DTWD2: variants seen among roughly 807,000 people sequenced by gnomAD.
DTWD2 encodes DTW motif tRNA-uridine aminocarboxypropyltransferase 2, also known as tRNA-uridine aminocarboxypropyltransferase 2.
Under a neutral mutation model 31.8 loss-of-function variants are expected in DTWD2, and 39 were observed. The ratio of observed to expected loss-of-function variants is 1.22; its 90% CI spans 0.95 to 1.60. The LOEUF is 1.60. Among genes scored for constraint, DTWD2 ranks in the 40% most tolerant of loss-of-function variants. DTWD2 has a pLI of 0.00. For synonymous variants in DTWD2, 180 were observed against 142.8 expected (o/e 1.26, Z -1.86); for missense variants, 515 against 381.5 (o/e 1.35, Z -2.92).
intron 4 of DTWD2, among the ~76,000 whole-genome samples, chr5:118,899,447 G>A (rs190301904): frequency 2.0e-5 from 3 of 152,066 alleles, no homozygotes; most frequent in Non-Finnish European, 2.9e-5. Context: ...ACAATGGTTC[G>A]GTATTCACTA....
At chr5:118,933,744 C>G (rs1276170325) in intron 3 of DTWD2, among the ~76,000 whole-genome samples, 4 of 151,970 alleles carry the variant, frequency 2.6e-5, no homozygotes, top group Non-Finnish European at 5.9e-5. Context: ...TGTCCTCTCA[C>G]CACTGCTATT....
intron 4 of DTWD2, among the ~76,000 whole-genome samples, chr5:118,906,400 G>A (rs1195604906): frequency 1.3e-5 from 2 of 152,036 alleles, no homozygotes; most frequent in East Asian, 1.9e-4. Flanking sequence ...GCATATGAAC[G>A]TTAATAACCA....
intron 4 of DTWD2, among the ~76,000 whole-genome samples, chr5:118,927,663 A>G (rs140838527): frequency 3.3e-5 from 5 of 152,268 alleles, no homozygotes; most frequent in African/African-American, 1.2e-4. Flanking sequence ...AGAGAAATAT[A>G]AAAGTTATTA....
chr5:118,850,340 GT>G (rs1751969186), intron 4 of DTWD2, among the ~76,000 whole-genome samples: 1 of 147,984 alleles, frequency 6.8e-6, no homozygotes, highest in Admixed American at 6.7e-5. Flanking sequence ...ATTGCCAGGT[GT>G]GGTGCATGCG....
intron 1 of DTWD2, among the ~76,000 whole-genome samples, chr5:118,972,467 A>C (rs978186184): frequency 4.3e-4 from 65 of 152,330 alleles, no homozygotes; most frequent in African/African-American, 1.5e-3. Context: ...TCTGAAACCA[A>C]GGCAGTAATT....
chr5:118,958,795 A>G (rs984534921), intron 1 of DTWD2, among the ~76,000 whole-genome samples: 4 of 152,230 alleles, frequency 2.6e-5, no homozygotes, highest in Non-Finnish European at 5.9e-5. Context: ...AGAATGGTTC[A>G]ATATACGCAA....
At chr5:118,928,311 T>C (rs563585540) in intron 4 of DTWD2, among the ~76,000 whole-genome samples, 1 of 152,084 alleles carries the variant, frequency 6.6e-6, no homozygotes, top group African/African-American at 2.4e-5. Context: ...AATTTGGCAG[T>C]AGGAGAGAAG....
intron 4 of DTWD2, among the ~76,000 whole-genome samples, chr5:118,859,339 T>C (rs1421498202): frequency 4.6e-5 from 7 of 152,208 alleles, no homozygotes. Flanking sequence ...CTCATAAATG[T>C]CAATGAAGAT....
chr5:118,931,390 C>A, intron 3 of DTWD2, among the ~76,000 whole-genome samples: 2 of 139,796 alleles, frequency 1.4e-5, no homozygotes, highest in African/African-American at 2.8e-5. Flanking sequence ...CAGAACGAGA[C>A]CTTGTCTTAA....
intron 1 of DTWD2, among the ~76,000 whole-genome samples, chr5:118,970,790 C>T (rs1754967429): frequency 6.6e-6 from 1 of 152,138 alleles, no homozygotes; most frequent in Admixed American, 6.6e-5. Flanking sequence ...AAAGCAAAAC[C>T]CTCAGTGGAA....
chr5:118,853,098 T>G (rs1253580122), intron 4 of DTWD2, among the ~76,000 whole-genome samples: 1 of 152,172 alleles, frequency 6.6e-6, no homozygotes, highest in East Asian at 1.9e-4. Context: ...GCTAAAAAAC[T>G]ACCTATCAGG....
chr5:118,874,726 T>C (rs1246805369), intron 4 of DTWD2, among the ~76,000 whole-genome samples: 2 of 151,856 alleles, frequency 1.3e-5, no homozygotes, highest in African/African-American at 4.8e-5. Flanking sequence ...AGAGAACAAA[T>C]CTATGACTGA....
chr5:118,905,923 GATAAGAAGACAGACTAGGAGAAA>G (rs1273259623), intron 4 of DTWD2, among the ~76,000 whole-genome samples: 51 of 152,048 alleles, frequency 3.4e-4, no homozygotes, highest in African/African-American at 1.2e-3. Context: ...CTGCTTAGAG[GATAAGAAGACAGACTAGGAGAAA>G]ACATTTGCAA....
intron 4 of DTWD2, among the ~76,000 whole-genome samples, chr5:118,885,051 G>A (rs1199452530): frequency 1.3e-5 from 2 of 148,752 alleles, no homozygotes; most frequent in East Asian, 2.0e-4. Flanking sequence ...GCTCATGCCT[G>A]TGATCCCAAC....
chr5:118,972,836 G>A (rs796473312), intron 1 of DTWD2, among the ~76,000 whole-genome samples: 1 of 152,156 alleles, frequency 6.6e-6, no homozygotes, highest in African/African-American at 2.4e-5. Context: ...GAATCCATAA[G>A]TGTAATTCAC....
chr5:118,920,218 T>C (rs1490868640), intron 4 of DTWD2, among the ~76,000 whole-genome samples: 1 of 152,146 alleles, frequency 6.6e-6, no homozygotes, highest in Non-Finnish European at 1.5e-5. Flanking sequence ...AAGACATATC[T>C]ACATACATTA....
chr5:118,842,403 G>T lies in DTWD2; in HGVS notation c.727-1316C>A, dbSNP rs931622144. On this transcript the variant is annotated intron_variant, in intron 5 of 5. Transcript: ENST00000510708. ...GGTTTTTGTCCTTTTTTCCTGCCTA[G>T]AAAATAACTGTTGAAGGTAGGACAA... is the stretch of plus-strand genomic sequence containing the variant. Among the ~76,000 whole-genome samples the T allele has an allele frequency of 3.3e-5, 5 of 152,044 alleles. No individual in the cohort carries two copies. The East Asian group carries it at 9.6e-4, about 29-fold the overall frequency.
At chr5:118,880,515 C>T (rs961265289) in intron 4 of DTWD2, among the ~76,000 whole-genome samples, 3 of 152,052 alleles carry the variant, frequency 2.0e-5, no homozygotes, top group Admixed American at 2.0e-4. Flanking sequence ...TACATCTCAG[C>T]TTTTTTCCAT....
At chr5:118,910,220 A>G (rs1753426719) in intron 4 of DTWD2, among the ~76,000 whole-genome samples, 1 of 151,958 alleles carries the variant, frequency 6.6e-6, no homozygotes. Flanking sequence ...TTCTTTTTGC[A>G]TTTTACTATA....
Sources: allele counts gnomAD v4.1 joint callset (sites outside exome capture counted in the v4.1 genomes callset), GRCh38; gene constraint gnomAD v4.1.1; transcripts MANE v1.5; gene names NCBI Gene and HGNC (gene_info 2026-07-23, HGNC 2026-07-21).